The following CFAP95 variants were observed in gnomAD, a reference collection of about 807,000 sequenced individuals.
CFAP95 encodes cilia and flagella associated protein 95.
At chr9:69,836,093 G>A in the CFAP95 span, among the ~76,000 whole-genome samples, 1 of 152,178 alleles carries the variant, frequency 6.6e-6, no homozygotes, top group Admixed American at 6.5e-5. Flanking sequence ...CTATGAGATT[G>A]TTTTTACTGA....
chr9:69,869,943 T>C, the CFAP95 span, among the ~76,000 whole-genome samples: 1 of 152,198 alleles, frequency 6.6e-6, no homozygotes, highest in East Asian at 1.9e-4. Flanking sequence ...AAGTCTTCAG[T>C]TGATCTCAGT....
At chr9:69,822,611 TAAAGAG>T in the CFAP95 span, among the ~76,000 whole-genome samples, 1 of 152,346 alleles carries the variant, frequency 6.6e-6, no homozygotes, top group South Asian at 2.1e-4. Flanking sequence ...AAGTTATTGT[TAAAGAG>T]AAAGACTTTT....
the CFAP95 span, among the ~76,000 whole-genome samples, chr9:69,898,049 C>T: frequency 6.6e-6 from 1 of 152,150 alleles, no homozygotes. Context: ...CCTCAGTATT[C>T]CTTTCTCTGG....
chr9:69,820,822 T>G, the CFAP95 span: 1 of 1,546,360 alleles, frequency 6.5e-7, no homozygotes, highest in East Asian at 2.3e-5. Flanking sequence ...CTTACGTTCC[T>G]GCCGGGCAGG....
chr9:69,891,966 T>G, the CFAP95 span, among the ~76,000 whole-genome samples: 1 of 152,210 alleles, frequency 6.6e-6, no homozygotes, highest in Non-Finnish European at 1.5e-5. Flanking sequence ...TGTCATCAGT[T>G]TCTTTGCTCT....
At chr9:69,877,893 A>G in the CFAP95 span, among the ~76,000 whole-genome samples, 1 of 152,154 alleles carries the variant, frequency 6.6e-6, no homozygotes, top group Non-Finnish European at 1.5e-5. Context: ...GAGAATTTTC[A>G]TGAGCTTAGT....
the CFAP95 span, among the ~76,000 whole-genome samples, chr9:69,865,562 G>A: frequency 0.013 from 1,919 of 152,228 alleles, 35 homozygotes; most frequent in African/African-American, 0.043. Context: ...CTCCCCACAA[G>A]CCTAAGTGTT....
the CFAP95 span, among the ~76,000 whole-genome samples, chr9:69,897,880 G>GC: frequency 6.6e-6 from 1 of 152,170 alleles, no homozygotes; most frequent in African/African-American, 2.4e-5. Context: ...ATCCTAACCT[G>GC]CCTTGCCATG....
chr9:69,834,805 A>C, the CFAP95 span, among the ~76,000 whole-genome samples: 1 of 152,252 alleles, frequency 6.6e-6, no homozygotes, highest in Non-Finnish European at 1.5e-5. Context: ...TGCACAGATC[A>C]CATACAGCAT....
the CFAP95 span, among the ~76,000 whole-genome samples, chr9:69,904,564 C>G: frequency 1.3e-5 from 2 of 152,320 alleles, no homozygotes; most frequent in Admixed American, 6.5e-5. Context: ...CATCTTGTCA[C>G]TCACCTCATA....
At chr9:69,872,934 G>A in the CFAP95 span, among the ~76,000 whole-genome samples, 1 of 152,202 alleles carries the variant, frequency 6.6e-6, no homozygotes, top group Non-Finnish European at 1.5e-5. Flanking sequence ...TAAAAGCAGG[G>A]AGACTTACAG....
chr9:69,900,183 G>A, the CFAP95 span, among the ~76,000 whole-genome samples: 1 of 152,006 alleles, frequency 6.6e-6, no homozygotes, highest in Non-Finnish European at 1.5e-5. Context: ...AGTCCTCCTA[G>A]ATCATCAAAC....
At chr9:69,881,713 A>G in the CFAP95 span, among the ~76,000 whole-genome samples, 1 of 152,144 alleles carries the variant, frequency 6.6e-6, no homozygotes, top group Non-Finnish European at 1.5e-5. Flanking sequence ...TGTCATTGGT[A>G]TTTTGATAGG....
chr9:69,856,250 T>A, the CFAP95 span, among the ~76,000 whole-genome samples: 13 of 152,320 alleles, frequency 8.5e-5, no homozygotes, highest in East Asian at 2.3e-3. Flanking sequence ...ATTTAAAATA[T>A]ACCAACCCTG....
chr9:69,865,123 A>C, the CFAP95 span, among the ~76,000 whole-genome samples: 356 of 152,018 alleles, frequency 2.3e-3, no homozygotes, highest in African/African-American at 8.0e-3. Flanking sequence ...ACCAGATCTG[A>C]TGGTTTTATA....
At chr9:69,831,488 A>G in the CFAP95 span, among the ~76,000 whole-genome samples, 2 of 152,056 alleles carry the variant, frequency 1.3e-5, no homozygotes, top group African/African-American at 2.4e-5. Context: ...TGCTCTGTTG[A>G]AAGCACTTTG....
At chr9:69,856,429 CT>C in the CFAP95 span, 1 of 536,692 alleles carries the variant, frequency 1.9e-6, no homozygotes, top group Non-Finnish European at 3.3e-6. Context: ...TGATCTATTA[CT>C]TATTTTTAAT....
the CFAP95 span, among the ~76,000 whole-genome samples, chr9:69,897,954 C>G: frequency 1.3e-5 from 2 of 152,150 alleles, no homozygotes; most frequent in South Asian, 4.1e-4. Flanking sequence ...GCTTTCTTAA[C>G]CAATCTTCTG....
the CFAP95 span, among the ~76,000 whole-genome samples, chr9:69,903,641 C>CT: frequency 6.6e-6 from 1 of 152,204 alleles, no homozygotes; most frequent in African/African-American, 2.4e-5. Flanking sequence ...CAACACAGCA[C>CT]TGAGAATGAG....
Sources: gnomAD v4.1 joint callset for allele counts (sites outside exome capture counted in the v4.1 genomes callset) on GRCh38, gnomAD v4.1.1 for gene constraint, MANE v1.5 for transcripts, NCBI Gene and HGNC (gene_info 2026-07-23, HGNC 2026-07-21) for gene names.